BCR: variants seen among roughly 807,000 people sequenced by gnomAD.
BCR encodes the protein BCR activator of RhoGEF and GTPase, also known as breakpoint cluster region protein.
In BCR, 58 loss-of-function variants were observed where a neutral mutation model predicts 138.6. That is an observed-to-expected ratio of 0.42 (90% CI 0.34 to 0.52). BCR has a LOEUF of 0.52. BCR is among the 20% of genes least tolerant of loss of function. The probability of loss-of-function intolerance (pLI) is 0.06; values close to 1 mark genes in which losing one functional copy is unlikely to be tolerated. For synonymous variants in BCR, 786 were observed against 730.1 expected, an observed-to-expected ratio of 1.08 and a Z score of -1.23; for missense variants, 1,599 against 1,727.2, an observed-to-expected ratio of 0.93 and a Z score of 1.32.
Position 23,292,563 on chromosome 22 carries a change from G to A in BCR, c.2805G>A (p.Val935=), listed in dbSNP as rs1304048402. The change falls in exon 15 of 23, where the codon GTG becomes GTA. Residue 935 remains valine (V), a synonymous_variant. Transcript: ENST00000305877. The stretch of plus-strand genomic sequence containing the variant: ...CAGATCTGTACTGCACCCTGGAGGT[G>A]GATTCCTTTGGGTATTTTGTGAATA... ...QSSNLYCTLE[V]DSFGYFVNKA... The A allele has an allele frequency of 6.2e-7, 1 of 1,613,374 alleles. No individual in the cohort carries two copies. The highest frequency in any genetic ancestry group is 8.5e-7 in the Non-Finnish European group (1 of 1,179,634).
chr22:23,286,019 G>A (rs920810726), intron 10 of BCR, among the ~76,000 whole-genome samples: 1 of 152,184 alleles, frequency 6.6e-6, no homozygotes, highest in Non-Finnish European at 1.5e-5. Flanking sequence ...CCCAGGCTGC[G>A]TCCTTTGCCG....
At chr22:23,275,388 C>T (rs1309702197) in intron 8 of BCR, among the ~76,000 whole-genome samples, 2 of 152,248 alleles carry the variant, frequency 1.3e-5, no homozygotes, top group Non-Finnish European at 2.9e-5. Context: ...ATGGCCCCAC[C>T]TCATCGGGCA....
intron 8 of BCR, among the ~76,000 whole-genome samples, chr22:23,275,444 C>A (rs1039676943): frequency 6.6e-6 from 1 of 152,218 alleles, no homozygotes; most frequent in Non-Finnish European, 1.5e-5. Context: ...CCTCGCCATC[C>A]GTGTTGGCTC....
chr22:23,207,496 A>G (rs371532777), intron 1 of BCR, among the ~76,000 whole-genome samples: 3 of 151,240 alleles, frequency 2.0e-5, no homozygotes, highest in South Asian at 2.1e-4. Flanking sequence ...TTTGGTGCAC[A>G]CCTGTAGTTC....
chr22:23,280,937 C>T (rs143945023), intron 8 of BCR, among the ~76,000 whole-genome samples: 25 of 152,334 alleles, frequency 1.6e-4, no homozygotes, highest in Non-Finnish European at 2.6e-4. Context: ...AGGCCTGACA[C>T]GCACAGGACA....
intron 16 of BCR, among the ~76,000 whole-genome samples, chr22:23,299,860 AC>A (rs2073885297): frequency 6.6e-6 from 1 of 152,082 alleles, no homozygotes; most frequent in Non-Finnish European, 1.5e-5. Flanking sequence ...GGGCTTCTCC[AC>A]CACGCTGTGC....
intron 8 of BCR, among the ~76,000 whole-genome samples, chr22:23,281,076 T>G (rs148778826): frequency 6.6e-6 from 1 of 152,186 alleles, no homozygotes; most frequent in Non-Finnish European, 1.5e-5. Context: ...GCACTCACAC[T>G]CACACAAGAA....
At chr22:23,242,394 C>T (rs1286041342) in intron 1 of BCR, among the ~76,000 whole-genome samples, 1 of 152,202 alleles carries the variant, frequency 6.6e-6, no homozygotes, top group Non-Finnish European at 1.5e-5. Context: ...ACACCCCTCC[C>T]AGAGGAATCT....
In BCR at chr22:23,314,541, G is replaced by A. The variant is rs199590603; in HGVS notation, c.3564-11G>A. 6.2e-7 allele frequency: 1 copy of A among 1,611,900 alleles called. No homozygotes were observed. The highest frequency in any genetic ancestry group is 1.3e-5 in the African/African-American group (1 of 74,962). On this transcript the variant is annotated splice_polypyrimidine_tract_variant and intron_variant, in intron 21 of 22. Transcript: ENST00000305877. ...CGTTGAAACAGCACCCGCTGCTTTG[G>A]TCCTCTACAGGGTGGCAGAGAAGGA...
At chr22:23,238,592 C>T (rs1388009934) in intron 1 of BCR, among the ~76,000 whole-genome samples, 3 of 152,098 alleles carry the variant, frequency 2.0e-5, no homozygotes, top group African/African-American at 4.8e-5. Flanking sequence ...TGATGGCTCC[C>T]TTGCAGAGGC....
intron 16 of BCR, among the ~76,000 whole-genome samples, chr22:23,300,412 T>G (rs1262742987): frequency 6.6e-6 from 1 of 152,250 alleles, no homozygotes; most frequent in African/African-American, 2.4e-5. Flanking sequence ...CTGAGTAATA[T>G]TCCATTGTAT....
At chr22:23,196,900 G>T (rs1368159531) in intron 1 of BCR, among the ~76,000 whole-genome samples, 1 of 152,160 alleles carries the variant, frequency 6.6e-6, no homozygotes, top group African/African-American at 2.4e-5. Context: ...AACAGGCCAC[G>T]GACTGATACC....
intron 8 of BCR, among the ~76,000 whole-genome samples, chr22:23,274,086 C>G (rs2073542752): frequency 6.6e-6 from 1 of 152,160 alleles, no homozygotes; most frequent in South Asian, 2.1e-4. Flanking sequence ...CTTGCCAGCT[C>G]AGGCTCCCCA....
chr22:23,297,207 G>GT (rs1307353327), intron 16 of BCR, among the ~76,000 whole-genome samples: 1,183 of 97,144 alleles, frequency 0.012, 83 homozygotes, highest in Middle Eastern at 0.022. Flanking sequence ...TGGCTAAGTT[G>GT]TTTTTTGTTT....
At chr22:23,188,989 C>T (rs2146198219) in intron 1 of BCR, among the ~76,000 whole-genome samples, 1 of 152,204 alleles carries the variant, frequency 6.6e-6, no homozygotes, top group South Asian at 2.1e-4. Context: ...GCCACAGCCT[C>T]CCGAGTAGCT....
intron 1 of BCR, among the ~76,000 whole-genome samples, chr22:23,217,403 T>A (rs1309780047): frequency 2.0e-5 from 3 of 152,222 alleles, no homozygotes; most frequent in Non-Finnish European, 4.4e-5. Flanking sequence ...ATGGGGTACC[T>A]TCAAGCTCTG....
At chr22:23,259,117 C>T (rs867090228) in intron 2 of BCR, among the ~76,000 whole-genome samples, 43 of 152,364 alleles carry the variant, frequency 2.8e-4, no homozygotes, top group African/African-American at 9.4e-4. Context: ...AGTCAGGTGG[C>T]GATTTCTGTG....
chr22:23,236,175 T>C (rs568936250), intron 1 of BCR, among the ~76,000 whole-genome samples: 1 of 152,166 alleles, frequency 6.6e-6, no homozygotes, highest in African/African-American at 2.4e-5. Context: ...CCAGGTGGCC[T>C]CCACGTACCT....
chr22:23,222,338 C>A (rs563769816), intron 1 of BCR, among the ~76,000 whole-genome samples: 2 of 152,326 alleles, frequency 1.3e-5, no homozygotes, highest in East Asian at 3.9e-4. Flanking sequence ...AGAAAACTGT[C>A]TGATTCCGGC....
Sources: allele counts gnomAD v4.1 joint callset (sites outside exome capture counted in the v4.1 genomes callset), GRCh38; gene constraint gnomAD v4.1.1; transcripts MANE v1.5; gene names NCBI Gene and HGNC (gene_info 2026-07-23, HGNC 2026-07-21).